Variants in CMIP observed in about 807,000 individuals in gnomAD.
The protein encoded by CMIP is c-Maf inducing protein.
CMIP carries 13 observed loss-of-function variants against 97.3 expected under a neutral mutation model. The observed-to-expected ratio is 0.13, with a 90% confidence interval of 0.09 to 0.21. The LOEUF (loss-of-function observed/expected upper bound fraction) is 0.21. Among genes scored for constraint, CMIP ranks in the 10% least tolerant of loss-of-function variants. The probability of loss-of-function intolerance (pLI) is 1.00; values close to 1 mark genes in which losing one functional copy is unlikely to be tolerated. For synonymous variants in CMIP, 538 were observed against 436.3 expected (o/e 1.23, Z -2.91); for missense variants, 847 against 1,024.9 (o/e 0.83, Z 2.37).
rs189028992 is a variant in CMIP, at chr16:81,660,022, A to C, written c.682-862A>C. On this transcript the variant is annotated intron_variant, in intron 5 of 20. Coordinates refer to ENST00000537098, the MANE Select transcript of CMIP (RefSeq NM_198390.3). ...TAGTTTTTTATGCGCTAATTTTTCT[A>C]CCATAGCTTGAGTTGGTTTTATTCA... Among the ~76,000 whole-genome samples the C allele has an allele frequency of 2.6e-5, 4 of 152,032 alleles. No individual in the cohort carries two copies. In the South Asian group the frequency reaches 8.3e-4, roughly 32 times the overall value.
chr16:81,457,251 C>G (rs1298183304), intron 1 of CMIP, among the ~76,000 whole-genome samples: 1 of 152,060 alleles, frequency 6.6e-6, no homozygotes, highest in Non-Finnish European at 1.5e-5. Flanking sequence ...TGGCGCGGCA[C>G]CACCCCAGCT....
At chr16:81,481,016 G>A (rs1340382958) in intron 1 of CMIP, among the ~76,000 whole-genome samples, 1 of 152,226 alleles carries the variant, frequency 6.6e-6, no homozygotes, top group Non-Finnish European at 1.5e-5. Flanking sequence ...CTAGTGGTGG[G>A]CCATTGAATG....
At chr16:81,513,180 G>A (rs942026975) in intron 1 of CMIP, among the ~76,000 whole-genome samples, 1 of 152,198 alleles carries the variant, frequency 6.6e-6, no homozygotes, top group Non-Finnish European at 1.5e-5. Context: ...TTCTTGGTAG[G>A]TTGGAAGATT....
chr16:81,473,723 C>T (rs964490170), intron 1 of CMIP, among the ~76,000 whole-genome samples: 3 of 151,662 alleles, frequency 2.0e-5, no homozygotes, highest in Non-Finnish European at 2.9e-5. Context: ...GACGCGGGGA[C>T]GCAGGGACGC....
chr16:81,631,883 A>G lies in CMIP; in HGVS notation c.477+10957A>G, dbSNP rs561870358. On this transcript the variant is annotated intron_variant, in intron 3 of 20. Transcript: ENST00000537098. ...CCCTGCAGTTTTGCAAAGTGGTTGC[A>G]CCAGTGTATACTTGCACCAGCAGTG... 3 of 152,372 alleles carry G rather than the reference A, an allele frequency of 2.0e-5. No homozygotes were observed. In the East Asian group the frequency reaches 5.8e-4, roughly 29 times the overall value. The allele number at this position is 152,372 out of a possible 1,614,324, so 9.4% of individuals were successfully genotyped here. A position where few individuals can be genotyped will look rare whatever the true frequency, so the allele number is the denominator to read the frequency against.
In CMIP at chr16:81,464,478, C is replaced by T. The variant is rs1179243873; in HGVS notation, c.300+18937C>T. 4 of 149,478 alleles carry T rather than the reference C, an allele frequency of 2.7e-5. No individual in the cohort carries two copies. In the East Asian group the frequency reaches 5.8e-4, roughly 22 times the overall value. 9.3% of individuals were successfully genotyped at this position (149,478 alleles called of 1,614,324 possible). Reference sequence around the variant, plus strand: ...ATGATGCAACCAGGAAAATCTTGATCAGGGAAGAGTGAAGGTCTCATTCAT... The same window carrying T: ...ATGATGCAACCAGGAAAATCTTGATTAGGGAAGAGTGAAGGTCTCATTCAT... On this transcript the variant is annotated intron_variant, in intron 1 of 20. Coordinates refer to ENST00000537098, the MANE Select transcript of CMIP (RefSeq NM_198390.3).
intron 19 of CMIP, among the ~76,000 whole-genome samples, chr16:81,706,408 G>A (rs1908145226): frequency 6.6e-6 from 1 of 152,232 alleles, no homozygotes. Flanking sequence ...GTGGGAGCAG[G>A]TGACTGGGTC....
At chr16:81,692,558 G>A (rs1906213691) in intron 11 of CMIP, among the ~76,000 whole-genome samples, 1 of 152,224 alleles carries the variant, frequency 6.6e-6, no homozygotes, top group Non-Finnish European at 1.5e-5. Flanking sequence ...GCGTGTTTAG[G>A]AAATGCTGCC....
chr16:81,592,944 C>G (rs892788682), intron 1 of CMIP, among the ~76,000 whole-genome samples: 1 of 152,230 alleles, frequency 6.6e-6, no homozygotes, highest in African/African-American at 2.4e-5. Context: ...ATCACCTGTT[C>G]CAATGGCAAA....
intron 8 of CMIP, among the ~76,000 whole-genome samples, chr16:81,670,557 G>A (rs1485738635): frequency 6.9e-6 from 1 of 144,594 alleles, no homozygotes; most frequent in Non-Finnish European, 1.5e-5. Flanking sequence ...TAACCAAGAG[G>A]AAGCCAAATG....
chr16:81,513,130 T>A (rs566143295), intron 1 of CMIP, among the ~76,000 whole-genome samples: 14 of 152,258 alleles, frequency 9.2e-5, no homozygotes, highest in Non-Finnish European at 1.0e-4. Context: ...GTTTTGATTT[T>A]GATCCCTTGC....
At chr16:81,669,249 C>G (rs1597223262) in intron 7 of CMIP, among the ~76,000 whole-genome samples, 2 of 129,494 alleles carry the variant, frequency 1.5e-5, no homozygotes, top group Admixed American at 7.4e-5. Flanking sequence ...CCACACCCAC[C>G]TCTCACACTC....
intron 1 of CMIP, among the ~76,000 whole-genome samples, chr16:81,505,802 C>T (rs1448528832): frequency 6.6e-6 from 1 of 152,134 alleles, no homozygotes; most frequent in Non-Finnish European, 1.5e-5. Context: ...ACCAGCCTGA[C>T]CAACATGGCA....
At chr16:81,589,675 C>T (rs1277927058) in intron 1 of CMIP, among the ~76,000 whole-genome samples, 2 of 152,226 alleles carry the variant, frequency 1.3e-5, no homozygotes, top group East Asian at 1.9e-4. Flanking sequence ...GATGCATAAC[C>T]ATCGATTCAG....
At chr16:81,452,434 A>AGGAGCCTGCCCTCGT (rs1269487626) in intron 1 of CMIP, among the ~76,000 whole-genome samples, 2 of 152,204 alleles carry the variant, frequency 1.3e-5, no homozygotes, top group African/African-American at 4.8e-5. Context: ...GGAAGAAAAC[A>AGGAGCCTGCCCTCGT]GGAGCCTGCC....
intron 9 of CMIP, among the ~76,000 whole-genome samples, chr16:81,674,594 C>CT (rs542415622): frequency 2.6e-4 from 39 of 149,438 alleles, no homozygotes; most frequent in African/African-American, 5.9e-4. Context: ...ATCAGGGCTT[C>CT]TTTTTTTTTT....
intron 11 of CMIP, among the ~76,000 whole-genome samples, chr16:81,692,891 C>T (rs948791285): frequency 7.2e-5 from 11 of 152,314 alleles, no homozygotes; most frequent in Admixed American, 7.2e-4. Context: ...AGCAGCTTAG[C>T]CCCTCTTATT....
intron 3 of CMIP, among the ~76,000 whole-genome samples, chr16:81,643,404 AG>A (rs1419426382): frequency 6.6e-6 from 1 of 152,254 alleles, no homozygotes; most frequent in African/African-American, 2.4e-5. Context: ...ACAGCTTAAA[AG>A]GGTTTCCTTG....
intron 1 of CMIP, among the ~76,000 whole-genome samples, chr16:81,545,569 A>G (rs527829752): frequency 2.6e-5 from 4 of 152,142 alleles, no homozygotes; most frequent in African/African-American, 4.8e-5. Context: ...ATCCTCCTCC[A>G]TCTACAGATG....
Sources: allele counts gnomAD v4.1 joint callset (sites outside exome capture counted in the v4.1 genomes callset), GRCh38; gene constraint gnomAD v4.1.1; transcripts MANE v1.5; gene names NCBI Gene and HGNC (gene_info 2026-07-23, HGNC 2026-07-21).